Variants in SORCS1 observed in about 807,000 individuals in gnomAD.
SORCS1 encodes the protein sortilin related VPS10 domain containing receptor 1, also known as VPS10 domain-containing receptor SorCS1.
SORCS1 carries 60 observed loss-of-function variants against 146.1 expected under a neutral mutation model. That is an observed-to-expected ratio of 0.41 (90% CI 0.33 to 0.51). The LOEUF (loss-of-function observed/expected upper bound fraction) is 0.51, where lower values mean the gene tolerates loss of function less well. Among genes scored for constraint, SORCS1 ranks in the 20% least tolerant of loss-of-function variants. The pLI, the probability that SORCS1 is intolerant of heterozygous loss-of-function variation, is 0.21. For missense variants in SORCS1, 1,352 were observed against 1,487.6 expected (o/e 0.91, Z 1.50); for synonymous variants, 637 against 584.0 (o/e 1.09, Z -1.31).
chr10:106,758,437 C>T (rs1271829195), intron 5 of SORCS1, among the ~76,000 whole-genome samples: 2 of 152,296 alleles, frequency 1.3e-5, no homozygotes, highest in South Asian at 2.1e-4. Flanking sequence ...TAGTTCTGGG[C>T]ACCATGTACA....
At chr10:106,653,457 A>T (rs1170651567) in intron 17 of SORCS1, among the ~76,000 whole-genome samples, 1 of 152,222 alleles carries the variant, frequency 6.6e-6, no homozygotes, top group East Asian at 1.9e-4. Context: ...GAGGTCAGCA[A>T]ACTTTTTATA....
At chr10:106,995,574 C>T (rs1290555697) in intron 1 of SORCS1, among the ~76,000 whole-genome samples, 1 of 152,148 alleles carries the variant, frequency 6.6e-6, no homozygotes, top group East Asian at 1.9e-4. Context: ...GCCTTCACTT[C>T]ACTGGGTGAG....
At chr10:106,864,963 C>T (rs1246049393) in intron 2 of SORCS1, among the ~76,000 whole-genome samples, 1 of 151,452 alleles carries the variant, frequency 6.6e-6, no homozygotes, top group Non-Finnish European at 1.5e-5. Flanking sequence ...GTGGTGTTCA[C>T]TGGCCAACAG....
intron 3 of SORCS1, among the ~76,000 whole-genome samples, chr10:106,818,164 A>G (rs1471833986): frequency 6.6e-6 from 1 of 152,186 alleles, no homozygotes; most frequent in African/African-American, 2.4e-5. Flanking sequence ...AAATTTCATC[A>G]ATAGTTCTGA....
At chr10:106,951,668 C>T (rs1157460297) in intron 2 of SORCS1, among the ~76,000 whole-genome samples, 3 of 152,076 alleles carry the variant, frequency 2.0e-5, no homozygotes, top group Non-Finnish European at 1.5e-5. Flanking sequence ...AAATAAAATA[C>T]AATATAATAA....
intron 20 of SORCS1, among the ~76,000 whole-genome samples, chr10:106,619,639 C>A (rs567254102): frequency 6.6e-6 from 1 of 152,056 alleles, no homozygotes; most frequent in Admixed American, 6.6e-5. Context: ...GACCATGCAG[C>A]CTGGTGTAGA....
intron 1 of SORCS1, among the ~76,000 whole-genome samples, chr10:107,127,915 A>G (rs1446290787): frequency 1.3e-5 from 2 of 152,234 alleles, no homozygotes; most frequent in Non-Finnish European, 2.9e-5. Context: ...TTTGGCCAGT[A>G]ATGTATCATC....
chr10:106,851,142 A>G (rs752857495), intron 2 of SORCS1, among the ~76,000 whole-genome samples: 22 of 152,118 alleles, frequency 1.4e-4, no homozygotes, highest in African/African-American at 5.3e-4. Flanking sequence ...ATTTTTTCCC[A>G]GTCTGTGGCT....
intron 1 of SORCS1, among the ~76,000 whole-genome samples, chr10:107,065,449 TTTC>T (rs1961700252): frequency 7.5e-6 from 1 of 132,664 alleles, no homozygotes; most frequent in African/African-American, 3.0e-5. Context: ...CTTTCTTTCT[TTTC>T]TCTCTTTCTC....
intron 20 of SORCS1, among the ~76,000 whole-genome samples, chr10:106,619,680 G>C (rs1272593812): frequency 6.6e-6 from 1 of 152,118 alleles, no homozygotes; most frequent in Non-Finnish European, 1.5e-5. Flanking sequence ...GCATCAGAAG[G>C]CCTTAAATTT....
chr10:106,617,794 T>TA (rs10577215), intron 21 of SORCS1, among the ~76,000 whole-genome samples: 4 of 151,630 alleles, frequency 2.6e-5, no homozygotes, highest in African/African-American at 4.9e-5. Context: ...AAGTTGAACT[T>TA]AAAAAAAAGA....
intron 1 of SORCS1, among the ~76,000 whole-genome samples, chr10:107,113,319 T>C (rs916249926): frequency 6.6e-6 from 1 of 151,880 alleles, no homozygotes; most frequent in African/African-American, 2.4e-5. Flanking sequence ...GAAAATAAAA[T>C]ACAACATACC....
At position 106,668,587 on chromosome 10, in the gene SORCS1, C is replaced by T. The variant is rs567563742; in HGVS notation, c.2190-785G>A. 4.6e-5 allele frequency among the ~76,000 whole-genome samples: 7 copies of T among 152,072 alleles called. No individual in the cohort carries two copies. The South Asian group carries it at 1.0e-3, about 23-fold the overall frequency. ...GCACAGACAAATTGCAGGCAGCAAT[C>T]GGCAAGCATTAGTATGAACTGGCCC... On this transcript the variant is annotated intron_variant, in intron 16 of 25. Transcript: ENST00000263054.
intron 1 of SORCS1, among the ~76,000 whole-genome samples, chr10:106,980,016 G>A (rs149758897): frequency 2.2e-3 from 336 of 152,290 alleles, no homozygotes; most frequent in African/African-American, 7.5e-3. Flanking sequence ...TTTTTAAAAA[G>A]TTAAATAAAT....
At chr10:106,833,453 G>A (rs570824238) in intron 2 of SORCS1, among the ~76,000 whole-genome samples, 43 of 152,300 alleles carry the variant, frequency 2.8e-4, no homozygotes, top group African/African-American at 9.1e-4. Context: ...ATCAGCCGGC[G>A]TACATTGGTA....
At chr10:106,633,248 A>C (rs1461518734) in intron 18 of SORCS1, among the ~76,000 whole-genome samples, 1 of 152,216 alleles carries the variant, frequency 6.6e-6, no homozygotes, top group African/African-American at 2.4e-5. Context: ...TATATATAAT[A>C]TGTAGTGATA....
At chr10:106,955,820 G>T (rs1034447097) in intron 2 of SORCS1, among the ~76,000 whole-genome samples, 1 of 151,874 alleles carries the variant, frequency 6.6e-6, no homozygotes, top group East Asian at 1.9e-4. Context: ...GAGAAACCAC[G>T]TCTCTACCAA....
chr10:106,904,698 G>C (rs1426341357), intron 2 of SORCS1, among the ~76,000 whole-genome samples: 1 of 152,174 alleles, frequency 6.6e-6, no homozygotes, highest in Non-Finnish European at 1.5e-5. Flanking sequence ...GCCATGTTTA[G>C]AAAAATCTTA....
intron 2 of SORCS1, among the ~76,000 whole-genome samples, chr10:106,836,350 T>A (rs1028227685): frequency 9.9e-5 from 15 of 151,670 alleles, no homozygotes; most frequent in African/African-American, 3.4e-4. Context: ...GGTGGGCGCC[T>A]GTAGTCCCAG....
Sources: gnomAD v4.1 joint callset for allele counts (sites outside exome capture counted in the v4.1 genomes callset) on GRCh38, gnomAD v4.1.1 for gene constraint, MANE v1.5 for transcripts, NCBI Gene and HGNC (gene_info 2026-07-23, HGNC 2026-07-21) for gene names.